PROM1: variants seen among roughly 807,000 people sequenced by gnomAD.
PROM1 encodes prominin-1.
PROM1 carries 105 observed loss-of-function variants against 116.9 expected under a neutral mutation model. The observed-to-expected ratio is 0.90, with a 90% confidence interval of 0.77 to 1.06. The LOEUF (loss-of-function observed/expected upper bound fraction) is 1.06. Ranked by LOEUF, PROM1 falls within the 50% of genes least tolerant of loss-of-function variation. PROM1 has a pLI of 0.00. For synonymous variants in PROM1, 393 were observed against 387.0 expected (o/e 1.02, Z -0.18); for missense variants, 1,122 against 1,045.2 (o/e 1.07, Z -1.01).
intron 13 of PROM1, chr4:16,003,189 G>T (rs1724310292): frequency 2.4e-6 from 1 of 417,100 alleles, no homozygotes; most frequent in Non-Finnish European, 4.9e-6. Context: ...TCATTTCAGG[G>T]GCCATGTGAT....
chr4:16,006,118 GCAATACTGCTGAC>G (rs1725399297), intron 13 of PROM1, among the ~76,000 whole-genome samples: 1 of 152,212 alleles, frequency 6.6e-6, no homozygotes. Flanking sequence ...TTTCAAGCTA[GCAATACTGCTGAC>G]CAATACTGCT....
chr4:16,006,059 C>T (rs1471883805), intron 13 of PROM1, among the ~76,000 whole-genome samples: 2 of 152,220 alleles, frequency 1.3e-5, no homozygotes, highest in Non-Finnish European at 2.9e-5. Flanking sequence ...CTGTCTAAAT[C>T]CTAAGGGTTC....
intron 13 of PROM1, among the ~76,000 whole-genome samples, chr4:16,005,498 GTGTGTGTGTGT>G (rs1725224893): frequency 1.3e-3 from 1 of 774 alleles, no homozygotes; most frequent in Non-Finnish European, 2.8e-3. Context: ...TTTGTTTGGT[GTGTGTGTGTGT>G]GTGTGTGTGT....
chr4:16,074,253 GGAGA>G (rs36168145), intron 2 of PROM1, among the ~76,000 whole-genome samples: 31,044 of 151,978 alleles, frequency 0.2, 3,377 homozygotes, highest in Middle Eastern at 0.27. Flanking sequence ...AAATGTTTGA[GGAGA>G]TAGATACACC....
chr4:15,970,486 T>TAAAAAATCTTATCTTTTTAAGTA (rs1714212063), intron 27 of PROM1, among the ~76,000 whole-genome samples: 1 of 149,678 alleles, frequency 6.7e-6, no homozygotes, highest in Non-Finnish European at 1.5e-5. Flanking sequence ...TTTTTTTACT[T>TAAAAAATCTTATCTTTTTAAGTA]AAAAAATCTT....
intron 12 of PROM1, among the ~76,000 whole-genome samples, chr4:16,008,719 A>G (rs1726125700): frequency 1.3e-5 from 2 of 152,252 alleles, no homozygotes; most frequent in African/African-American, 4.8e-5. Flanking sequence ...ATCTGTACAC[A>G]GGAGTCATGC....
intron 2 of PROM1, among the ~76,000 whole-genome samples, chr4:16,067,041 C>T (rs910759745): frequency 1.3e-5 from 2 of 152,164 alleles, no homozygotes; most frequent in African/African-American, 4.8e-5. Flanking sequence ...AGTGAAGACA[C>T]ACAAGGAAGA....
intron 2 of PROM1, among the ~76,000 whole-genome samples, chr4:16,060,655 A>G (rs541152374): frequency 6.6e-6 from 1 of 152,314 alleles, no homozygotes; most frequent in African/African-American, 2.4e-5. Flanking sequence ...CTGACACTCA[A>G]TAAACATCTA....
At chr4:15,976,295 C>T (rs1212305809) in intron 26 of PROM1, 3 of 434,044 alleles carry the variant, frequency 6.9e-6, no homozygotes, top group Non-Finnish European at 1.4e-5. Flanking sequence ...TTTCCATCAT[C>T]ATGCCTTTTT....
chr4:15,983,042 A>G (rs1001409603), intron 23 of PROM1, among the ~76,000 whole-genome samples: 1 of 152,192 alleles, frequency 6.6e-6, no homozygotes, highest in African/African-American at 2.4e-5. Context: ...CCTTGAATGC[A>G]CTGGTGACTC....
At chr4:15,984,851 G>A (rs1032729849) in intron 22 of PROM1, among the ~76,000 whole-genome samples, 6 of 152,172 alleles carry the variant, frequency 3.9e-5, no homozygotes, top group African/African-American at 1.4e-4. Context: ...GAAATAAAGT[G>A]CACTATAAAT....
At chr4:15,988,344 CA>C (rs1720031393) in intron 19 of PROM1, among the ~76,000 whole-genome samples, 1 of 152,194 alleles carries the variant, frequency 6.6e-6, no homozygotes, top group African/African-American at 2.4e-5. Context: ...GCCTGCCCCG[CA>C]AGAGTGGTTA....
At chr4:16,049,101 G>A (rs765981960) in intron 2 of PROM1, among the ~76,000 whole-genome samples, 4 of 152,246 alleles carry the variant, frequency 2.6e-5, no homozygotes, top group Admixed American at 6.5e-5. Flanking sequence ...AATCCAGAGA[G>A]TGGGGGTTAA....
At chr4:16,037,928 A>G (rs1285470535) in intron 3 of PROM1, 2 of 152,282 alleles carry the variant, frequency 1.3e-5, no homozygotes, top group Admixed American at 1.3e-4. Context: ...CTATGGATTC[A>G]CTCAAGAGAG....
chr4:16,012,870 CAAAAA>C (rs71179681), intron 11 of PROM1, among the ~76,000 whole-genome samples: 3 of 84,264 alleles, frequency 3.6e-5, no homozygotes, highest in Non-Finnish European at 4.5e-5. Context: ...GACTCTGTCT[CAAAAA>C]AAAAAAAAAA....
intron 13 of PROM1, among the ~76,000 whole-genome samples, chr4:16,003,592 G>A (rs1484118640): frequency 6.6e-6 from 1 of 152,130 alleles, no homozygotes; most frequent in Non-Finnish European, 1.5e-5. Context: ...CTTATCTCTG[G>A]AGAGGCCTCC....
chr4:15,970,323 G>GC (rs1714142913), intron 27 of PROM1, among the ~76,000 whole-genome samples: 1 of 151,094 alleles, frequency 6.6e-6, no homozygotes, highest in South Asian at 2.1e-4. Flanking sequence ...GATTACAGGG[G>GC]CCCCCCACCA....
rs1357713841 is a variant in PROM1 at position 16,023,432 on chromosome 4, AC to A, written c.695-18del. ...AATTGATACCTACATGCAAATAAGC[AC>A]AAAGATGGTGAGGGTGGCCTCTGCT... is the stretch of plus-strand genomic sequence containing the variant. On this transcript the variant is annotated intron_variant, in intron 7 of 27. Transcript: ENST00000447510. The A allele has an allele frequency of 6.4e-7, 1 of 1,562,876 alleles. No homozygotes were observed. The highest frequency in any genetic ancestry group is 1.8e-5 in the Admixed American group (1 of 56,034).
At chr4:15,972,879 A>AAC (rs1457070656) in intron 26 of PROM1, among the ~76,000 whole-genome samples, 6 of 152,236 alleles carry the variant, frequency 3.9e-5, no homozygotes, top group Non-Finnish European at 8.8e-5. Context: ...CAATCAACAC[A>AAC]ACACAACAGG....
Sources: gnomAD v4.1 joint callset for allele counts (sites outside exome capture counted in the v4.1 genomes callset) on GRCh38, gnomAD v4.1.1 for gene constraint, MANE v1.5 for transcripts, NCBI Gene and HGNC (gene_info 2026-07-23, HGNC 2026-07-21) for gene names.